The following EXOC2 variants were observed in gnomAD, a reference collection of about 807,000 sequenced individuals.
EXOC2 encodes the protein SEC5-like 1.
EXOC2 carries 70 observed loss-of-function variants against 131.8 expected under a neutral mutation model. That is an observed-to-expected ratio of 0.53 (90% CI 0.44 to 0.65). The LOEUF is 0.65. Among genes scored for constraint, EXOC2 ranks in the 30% least tolerant of loss-of-function variants. The pLI, the probability that EXOC2 is intolerant of heterozygous loss-of-function variation, is 0.00. For missense variants in EXOC2, 923 were observed against 1,108.6 expected, an observed-to-expected ratio of 0.83 and a Z score of 2.38; for synonymous variants, 411 against 398.4, an observed-to-expected ratio of 1.03 and a Z score of -0.38.
At chr6:609,005 A>C (rs1760577860) in intron 7 of EXOC2, among the ~76,000 whole-genome samples, 1 of 152,244 alleles carries the variant, frequency 6.6e-6, no homozygotes, top group Non-Finnish European at 1.5e-5. Flanking sequence ...AGATAAAAAC[A>C]AGGGAAGATC....
At chr6:565,454 T>C (rs1434540792) in intron 13 of EXOC2, among the ~76,000 whole-genome samples, 1 of 152,204 alleles carries the variant, frequency 6.6e-6, no homozygotes, top group Non-Finnish European at 1.5e-5. Flanking sequence ...ATAACTCATG[T>C]TTTTTTCCAT....
intron 5 of EXOC2, among the ~76,000 whole-genome samples, chr6:618,550 A>T (rs1007074115): frequency 6.6e-6 from 1 of 152,268 alleles, no homozygotes; most frequent in Non-Finnish European, 1.5e-5. Flanking sequence ...TACATCTGTA[A>T]TGTAAAATCA....
rs570668586 is a variant in EXOC2 at position 569,593 on chromosome 6, C to G, written c.1443+2927G>C. Among the ~76,000 whole-genome samples the G allele has an allele frequency of 5.3e-5, 8 of 152,364 alleles. No individual in the cohort carries two copies. In the South Asian group the frequency reaches 1.5e-3, roughly 28 times the overall value. ...AGAATTCAATCCAGCTTCTGGGTTT[C>G]ACTTGCAGACCGGCAAGGGAAGCAA... is the stretch of plus-strand genomic sequence containing the variant. On this transcript the variant is annotated intron_variant, in intron 13 of 27. Coordinates refer to ENST00000230449, the MANE Select transcript of EXOC2 (RefSeq NM_018303.6).
At chr6:534,649 C>A (rs1303476625) in intron 22 of EXOC2, among the ~76,000 whole-genome samples, 3 of 152,162 alleles carry the variant, frequency 2.0e-5, no homozygotes, top group Non-Finnish European at 2.9e-5. Context: ...TTAACAGAGT[C>A]CGAGAAAGAT....
chr6:557,491 G>A (rs1021576506), intron 17 of EXOC2, among the ~76,000 whole-genome samples: 47 of 151,768 alleles, frequency 3.1e-4, no homozygotes, highest in African/African-American at 1.0e-3. Flanking sequence ...GGTGGCACGC[G>A]CCTGTAGTCC....
chr6:592,227 C>T (rs569243384), intron 11 of EXOC2, among the ~76,000 whole-genome samples: 36 of 152,190 alleles, frequency 2.4e-4, no homozygotes, highest in East Asian at 3.9e-4. Flanking sequence ...CTCGGCATCA[C>T]GCTGCCTGCC....
At chr6:585,053 G>A (rs1759128311) in intron 11 of EXOC2, among the ~76,000 whole-genome samples, 1 of 152,124 alleles carries the variant, frequency 6.6e-6, no homozygotes, top group Non-Finnish European at 1.5e-5. Context: ...TTTAAGAGAC[G>A]GGTGACACTT....
At chr6:628,111 C>T (rs946703264) in intron 4 of EXOC2, among the ~76,000 whole-genome samples, 3 of 152,206 alleles carry the variant, frequency 2.0e-5, no homozygotes, top group Admixed American at 1.3e-4. Flanking sequence ...TACCTCCTCA[C>T]TTCCTGATTC....
In EXOC2 at chr6:549,511, G is replaced by T. The variant is rs142433862; in HGVS notation, c.2122-220C>A. On this transcript the variant is annotated intron_variant, in intron 21 of 27. Transcript: ENST00000230449. ...TTATAATTACATGCAATATACTAAA[G>T]AATCAAATATTTCCTTTAAGACTTA... is the stretch of plus-strand genomic sequence containing the variant. 2.6e-4 allele frequency among the ~76,000 whole-genome samples: 40 copies of T among 152,274 alleles called. No homozygotes were observed. In the East Asian group the frequency reaches 6.2e-3, roughly 24 times the overall value.
intron 23 of EXOC2, among the ~76,000 whole-genome samples, chr6:529,121 C>G (rs1003692288): frequency 7.0e-6 from 1 of 142,070 alleles, no homozygotes; most frequent in African/African-American, 2.4e-5. Flanking sequence ...CTTTTACCCC[C>G]CCCCGCGCCC....
At chr6:617,574 A>C in intron 6 of EXOC2, 137 bp downstream of exon 6, 1 of 1,248,332 alleles carries the variant, frequency 8.0e-7, no homozygotes, top group East Asian at 2.5e-5. Flanking sequence ...CCTACTCTGC[A>C]ACAAATATTT....
chr6:513,074 C>CAGAA (rs1175233756), intron 23 of EXOC2, among the ~76,000 whole-genome samples: 1 of 152,232 alleles, frequency 6.6e-6, no homozygotes, highest in Non-Finnish European at 1.5e-5. Context: ...CTCCCATTTT[C>CAGAA]AGGTATTTCC....
intron 7 of EXOC2, among the ~76,000 whole-genome samples, chr6:604,258 A>G (rs1460774154): frequency 1.3e-5 from 2 of 152,154 alleles, no homozygotes; most frequent in African/African-American, 2.4e-5. Flanking sequence ...AGACATCTGT[A>G]AATCACCAAT....
chr6:578,469 G>A (rs1758707528), intron 11 of EXOC2, among the ~76,000 whole-genome samples: 1 of 152,152 alleles, frequency 6.6e-6, no homozygotes, highest in Non-Finnish European at 1.5e-5. Flanking sequence ...AAGCAGAGGA[G>A]GTAAATAGTG....
intron 23 of EXOC2, among the ~76,000 whole-genome samples, chr6:509,097 G>A (rs575874712): frequency 6.6e-5 from 10 of 152,290 alleles, no homozygotes; most frequent in Non-Finnish European, 1.0e-4. Context: ...GTCTGTGAAG[G>A]TCTTTGACTT....
At chr6:496,723 A>T (rs1037607650) in intron 25 of EXOC2, among the ~76,000 whole-genome samples, 26 of 152,108 alleles carry the variant, frequency 1.7e-4, no homozygotes, top group Non-Finnish European at 3.2e-4. Context: ...TAAAAAAAAA[A>T]TTTTATTTTT....
intron 23 of EXOC2, among the ~76,000 whole-genome samples, chr6:509,741 T>G (rs1280169895): frequency 6.6e-6 from 1 of 152,178 alleles, no homozygotes; most frequent in Non-Finnish European, 1.5e-5. Context: ...CATGAAGCAT[T>G]TCCTGTTGTA....
chr6:656,613 G>A (rs1417856460), intron 1 of EXOC2: 4 of 1,600,372 alleles, frequency 2.5e-6, no homozygotes, highest in South Asian at 1.1e-5. Flanking sequence ...CACCGTGAGG[G>A]AGGGGCGGCG....
intron 19 of EXOC2, among the ~76,000 whole-genome samples, chr6:555,691 G>A (rs143771371): frequency 0.011 from 1,711 of 152,234 alleles, 15 homozygotes; most frequent in Admixed American, 0.035. Flanking sequence ...CGTTGTGCTC[G>A]AACAGAATAC....
Sources: allele counts gnomAD v4.1 joint callset (sites outside exome capture counted in the v4.1 genomes callset), GRCh38; gene constraint gnomAD v4.1.1; transcripts MANE v1.5; gene names NCBI Gene and HGNC (gene_info 2026-07-23, HGNC 2026-07-21).